Variants in UNC5B observed in about 807,000 individuals in gnomAD.
The protein encoded by UNC5B is netrin receptor UNC5B.
Under a neutral mutation model 103.7 loss-of-function variants are expected in UNC5B, and 56 were observed. That is an observed-to-expected ratio of 0.54 (90% CI 0.44 to 0.67). The LOEUF (loss-of-function observed/expected upper bound fraction) is 0.67, where lower values mean the gene tolerates loss of function less well. Ranked by LOEUF, UNC5B falls within the 30% of genes least tolerant of loss-of-function variation. The pLI is 0.00. For missense variants in UNC5B, 1,194 were observed against 1,284.5 expected, an observed-to-expected ratio of 0.93 and a Z score of 1.08; for synonymous variants, 577 against 542.0, an observed-to-expected ratio of 1.06 and a Z score of -0.90.
Position 71,293,418 on chromosome 10 carries a change from G to A in UNC5B, c.1786G>A (p.Gly596Arg). Residue 596 changes from glycine (G) to arginine (R), a missense_variant, in exon 12 of 17, where the codon GGG (glycine) becomes AGG (arginine). Coordinates refer to ENST00000335350, the MANE Select transcript of UNC5B (RefSeq NM_170744.5). ...KAESTLPLSE[G>R]TQTVLSPSVT... is the part of the protein sequence containing the mutation. ...GTCCTCCTCCAGCCCGCTTTCAGAAGGGACCCAGACAGTATTGAGCCCCTC... is the reference window on the plus strand; with the variant it reads ...GTCCTCCTCCAGCCCGCTTTCAGAAAGGACCCAGACAGTATTGAGCCCCTC... The A allele has an allele frequency of 6.2e-7, 1 of 1,612,740 alleles. No individual in the cohort carries two copies. Among genetic ancestry groups the A allele is most frequent in the South Asian group, 1.1e-5 (1 of 90,896 alleles).
At chr10:71,252,854 C>T (rs917228017) in intron 1 of UNC5B, among the ~76,000 whole-genome samples, 2 of 152,156 alleles carry the variant, frequency 1.3e-5, no homozygotes, top group Non-Finnish European at 2.9e-5. Flanking sequence ...GGACCTGACT[C>T]AGCCTGGCAG....
chr10:71,271,805 C>T (rs1193629673), intron 1 of UNC5B, among the ~76,000 whole-genome samples: 2 of 152,208 alleles, frequency 1.3e-5, no homozygotes, highest in East Asian at 1.9e-4. Context: ...GCCACCTTGG[C>T]GAAGCCGCTT....
intron 1 of UNC5B, among the ~76,000 whole-genome samples, chr10:71,253,727 G>A (rs1192465657): frequency 6.6e-6 from 1 of 152,182 alleles, no homozygotes; most frequent in East Asian, 1.9e-4. Context: ...TTGGGTGGGG[G>A]TGTGAGGGTC....
rs1414377751 is a variant in UNC5B at position 71,293,543 on chromosome 10, C to G, written c.1911C>G (p.Leu637=). Residue 637 remains leucine (L), a synonymous_variant, in exon 12 of 17, where the codon CTC becomes CTG. Transcript: ENST00000335350. ...GTGCCCGTGACTGGATCTTTCAGCT[C>G]AAGACCCAGGCCCACCAGGGCCACT... ...EVSARDWIFQ[L]KTQAHQGHWE... 6.2e-7 allele frequency: 1 copy of G among 1,613,832 alleles called. No individual in the cohort carries two copies. Among genetic ancestry groups the G allele is most frequent in the East Asian group, 2.2e-5 (1 of 44,898 alleles).
Position 71,292,559 on chromosome 10 carries a change from G to A in UNC5B, c.1772+5G>A. On this transcript the variant is annotated splice_donor_5th_base_variant and intron_variant, in intron 11 of 16. Transcript: ENST00000335350. Reference sequence around the variant, plus strand: ...CAACAAGGCAGAAAGTACCCTGTGAGTAGAGCCCCAGCCGCTGCTCCTTTT... The same window carrying A: ...CAACAAGGCAGAAAGTACCCTGTGAATAGAGCCCCAGCCGCTGCTCCTTTT... 3 of 1,596,180 alleles carry A rather than the reference G, an allele frequency of 1.9e-6. No homozygotes were observed. Among genetic ancestry groups the A allele is most frequent in the Non-Finnish European group, 2.6e-6 (3 of 1,171,098 alleles).
At chr10:71,288,895 C>A (rs942673023) in intron 7 of UNC5B, 63 bp from the exon 8 acceptor site, 1 of 1,592,426 alleles carries the variant, frequency 6.3e-7, no homozygotes, top group Non-Finnish European at 8.6e-7. Flanking sequence ...CTTCCCATTG[C>A]CTTCTCTGCC....
intron 1 of UNC5B, among the ~76,000 whole-genome samples, chr10:71,246,006 A>G (rs1398949959): frequency 2.0e-5 from 3 of 152,248 alleles, no homozygotes; most frequent in Admixed American, 2.0e-4. Context: ...GGTGTGCGGA[A>G]GGCCTGGCAC....
Position 71,297,930 on chromosome 10 carries a change from ACT to A in UNC5B, c.2517_2518del (p.Cys840LeufsTer39). ...GCAGACACCTGCTGGCTCCCTGGAC[ACT>A]CTCTGCTCTGCCCCTGGCAGCACTG... ...LAETPAGSLD[T>X]LCSAPGSTVT... On this transcript the variant is annotated frameshift_variant, in exon 16 of 17. Coordinates refer to ENST00000335350, the MANE Select transcript of UNC5B (RefSeq NM_170744.5). LOFTEE classifies it high-confidence loss of function. 16 of 1,612,862 alleles carry A rather than the reference ACT, an allele frequency of 9.9e-6. No homozygotes were observed. Among genetic ancestry groups the A allele is most frequent in the Non-Finnish European group, 1.3e-5 (15 of 1,179,522 alleles).
chr10:71,284,983 G>A (rs74326733), intron 3 of UNC5B, 120 bp downstream of exon 3: 115,111 of 1,409,430 alleles, frequency 0.082, 5,024 homozygotes, highest in East Asian at 0.13. Flanking sequence ...GGATGCCCAC[G>A]GCAGAGACAT....
At position 71,287,589 on chromosome 10, in the gene UNC5B, G is replaced by T. The variant is rs373629854; in HGVS notation, c.734-9G>T. ...CCAAGCCATCCAGTTGACAGCTGCC[G>T]CCTTGCAGTGAATGGCGGCTGGTCC... is the stretch of plus-strand genomic sequence containing the variant. On this transcript the variant is annotated splice_polypyrimidine_tract_variant and intron_variant, in intron 5 of 16. Transcript: ENST00000335350. 2.5e-6 allele frequency: 4 copies of T among 1,590,432 alleles called. No homozygotes were observed. Among genetic ancestry groups the T allele is most frequent in the Admixed American group, 3.6e-5 (2 of 56,204 alleles).
At chr10:71,234,010 AC>A (rs1843729465) in intron 1 of UNC5B, among the ~76,000 whole-genome samples, 1 of 152,248 alleles carries the variant, frequency 6.6e-6, no homozygotes, top group Non-Finnish European at 1.5e-5. Context: ...GTGTGCAAGT[AC>A]AGTTATATGT....
chr10:71,295,198 A>G (rs748847697), intron 13 of UNC5B, among the ~76,000 whole-genome samples: 3 of 152,172 alleles, frequency 2.0e-5, no homozygotes, highest in Non-Finnish European at 4.4e-5. Flanking sequence ...GATGGGTGCA[A>G]GGTGCCTGGG....
At chr10:71,262,407 G>A (rs927586932) in intron 1 of UNC5B, among the ~76,000 whole-genome samples, 1 of 151,776 alleles carries the variant, frequency 6.6e-6, no homozygotes, top group Non-Finnish European at 1.5e-5. Context: ...GGATTGTGGG[G>A]GGGCTGTCCT....
intron 1 of UNC5B, among the ~76,000 whole-genome samples, chr10:71,249,599 C>T (rs1844127236): frequency 6.6e-6 from 1 of 152,184 alleles, no homozygotes; most frequent in Admixed American, 6.5e-5. Context: ...GGCTTTCCAG[C>T]TGTCATTTCT....
At chr10:71,262,716 T>G (rs1173720167) in intron 1 of UNC5B, among the ~76,000 whole-genome samples, 1 of 152,174 alleles carries the variant, frequency 6.6e-6, no homozygotes, top group East Asian at 1.9e-4. Context: ...GCCACCATCA[T>G]GAGCCTTGAT....
chr10:71,272,568 C>A (rs77357242), intron 1 of UNC5B, among the ~76,000 whole-genome samples: 1,541 of 152,350 alleles, frequency 0.01, 19 homozygotes, highest in African/African-American at 0.034. Context: ...ACCCACAACC[C>A]TGCCGTGGCT....
chr10:71,283,922 G>A (rs942390649), intron 2 of UNC5B, among the ~76,000 whole-genome samples: 11 of 152,174 alleles, frequency 7.2e-5, no homozygotes, highest in East Asian at 1.9e-4. Flanking sequence ...ACCTCTGCAC[G>A]TGCTGAGCCC....
In UNC5B at chr10:71,300,015, A is replaced by G. The variant is rs1256995169; in HGVS notation, c.*738A>G. 6.8e-6 allele frequency: 1 copy of G among 147,566 alleles called. No individual in the cohort carries two copies. Among genetic ancestry groups the G allele is most frequent in the African/African-American group, 2.5e-5 (1 of 39,280 alleles). 9.1% of individuals were successfully genotyped at this position (147,566 alleles called of 1,614,324 possible). A position where few individuals can be genotyped will look rare whatever the true frequency, so the allele number is the denominator to read the frequency against. ...AATGGGCACGCTCACACTTCTGGCC[A>G]GGAGTGAATGTGCCTGTGTGTGTGT... On this transcript the variant is annotated 3_prime_UTR_variant, in exon 17 of 17. Transcript: ENST00000335350.
Position 71,213,027 on chromosome 10 carries a change from A to T in UNC5B, c.42A>T (p.Ala14=). The change falls in exon 1 of 17, where the codon GCA becomes GCT. Residue 14 remains alanine (A), a synonymous_variant. Transcript: ENST00000335350. This position sits in a 1 kb window ranked among gnomAD's most constrained non-coding sequence, Gnocchi z 4.1. ...GAGCTCGGGGCGCGCTGCTGCTGGC[A>T]CTGCTGCTCTGCTGGGACCCGAGGC... ...RSGARGALLL[A]LLLCWDPRLS... is the part of the protein sequence containing the mutation. 7.0e-7 allele frequency: 1 copy of T among 1,422,594 alleles called. No individual in the cohort carries two copies. The highest frequency in any genetic ancestry group is 2.5e-5 in the Admixed American group (1 of 40,638). 88.1% of individuals were successfully genotyped at this position (1,422,594 alleles called of 1,614,324 possible).
Sources: gnomAD v4.1 joint callset for allele counts (sites outside exome capture counted in the v4.1 genomes callset) on GRCh38, gnomAD v4.1.1 for gene constraint, Gnocchi (gnomAD v3.1) non-coding constraint, MANE v1.5 for transcripts, NCBI Gene and HGNC (gene_info 2026-07-23, HGNC 2026-07-21) for gene names.